Variants in ZNF140 observed in about 807,000 individuals in gnomAD.
ZNF140 encodes the protein zinc finger protein 140.
Under a neutral mutation model 12.9 loss-of-function variants are expected in ZNF140, and 13 were observed. The observed-to-expected ratio is 1.01, with a 90% CI of 0.66 to 1.60. The LOEUF is 1.60. ZNF140 is among the 40% of genes most tolerant of loss of function. ZNF140 has a pLI of 0.00. For synonymous variants in ZNF140, 214 were observed against 186.7 expected, an observed-to-expected ratio of 1.15 and a Z score of -1.19; for missense variants, 531 against 548.8, an observed-to-expected ratio of 0.97 and a Z score of 0.32.
intron 4 of ZNF140, among the ~76,000 whole-genome samples, chr12:133,086,313 C>T (rs1354981242): frequency 7.2e-5 from 11 of 152,160 alleles, no homozygotes; most frequent in African/African-American, 2.4e-4. Context: ...TATACTCCCG[C>T]AAACCCAATA....
At chr12:133,084,119 C>CT in intron 4 of ZNF140, 2 of 419,824 alleles carry the variant, frequency 4.8e-6, no homozygotes, top group Admixed American at 3.2e-5. Flanking sequence ...TCACAGGTGT[C>CT]TTTTTTGTTC....
rs897684383 is a variant in ZNF140 at position 133,094,141 on chromosome 12, C to G, written c.232+10580C>G. On this transcript the variant is annotated intron_variant, in intron 4 of 4. Transcript: ENST00000355557. Reference sequence around the variant, plus strand: ...AATGTGTAACAGTCAATTAATTTGTCTCTGGTTTCTGGAGCACACAAAATA... The same window carrying G: ...AATGTGTAACAGTCAATTAATTTGTGTCTGGTTTCTGGAGCACACAAAATA... Among the ~76,000 whole-genome samples, 62 of 151,136 alleles carry G rather than the reference C, an allele frequency of 4.1e-4. 6 individuals carry two copies. The highest frequency in any genetic ancestry group is 1.4e-3 in the African/African-American group (56 of 40,760).
At chr12:133,084,200 G>A in intron 4 of ZNF140, 1 of 423,398 alleles carries the variant, frequency 2.4e-6, no homozygotes, top group Non-Finnish European at 4.6e-6. Context: ...TTCTTCAAAT[G>A]GACATACATT....
chr12:133,105,334 CTGTT>C lies in ZNF140; in HGVS notation c.233-173_233-170del, dbSNP rs1324488966. ...TCTTTATTTACCTATATGTCTATCT[CTGTT>C]TGATCTTTTCTGAAGTTCTGGGCAT... On this transcript the variant is annotated intron_variant, in intron 4 of 4. Coordinates refer to ENST00000355557, the MANE Select transcript of ZNF140 (RefSeq NM_003440.4). 1.2e-4 allele frequency among the ~76,000 whole-genome samples: 18 copies of C among 152,264 alleles called. No homozygotes were observed. The South Asian group carries it at 2.1e-3, about 18-fold the overall frequency.
rs961728055 is a variant in ZNF140, at chr12:133,093,308, G to C, written c.232+9747G>C. 8.0e-6 allele frequency: 5 copies of C among 623,950 alleles called. No homozygotes were observed. The South Asian group carries it at 8.9e-5, about 11-fold the overall frequency. The allele number at this position is 623,950 out of a possible 1,614,324, so 38.7% of individuals were successfully genotyped here. A position where few individuals can be genotyped will look rare whatever the true frequency, so the allele number is the denominator to read the frequency against. ...CACATAGGCCCAGTAAGTATAGTTA[G>C]TTGTAGCGGCTCCTGCAGACATAGG... On this transcript the variant is annotated intron_variant, in intron 4 of 4. Transcript: ENST00000355557.
In ZNF140 at chr12:133,094,419, T is replaced by C. The variant is rs1468194000; in HGVS notation, c.232+10858T>C. On this transcript the variant is annotated intron_variant, in intron 4 of 4. Transcript: ENST00000355557. The stretch of plus-strand genomic sequence containing the variant: ...ATCAATTATAATTAAAAGCCAATCT[T>C]TGGGGGTCATGGCCGGAGAGGGCAG... Among the ~76,000 whole-genome samples the C allele has an allele frequency of 4.6e-5, 7 of 151,016 alleles. No individual in the cohort carries two copies. In the East Asian group the frequency reaches 1.4e-3, roughly 29 times the overall value.
intron 2 of ZNF140, 25 bp downstream of exon 2, chr12:133,081,354 T>C (rs1184627293): frequency 3.5e-5 from 9 of 253,534 alleles, no homozygotes; most frequent in Admixed American, 1.4e-4. Context: ...GATAAATATA[T>C]ATATATATAT....
At chr12:133,093,825 T>C (rs1203011632) in intron 4 of ZNF140, among the ~76,000 whole-genome samples, 2 of 150,984 alleles carry the variant, frequency 1.3e-5, no homozygotes, top group Non-Finnish European at 2.9e-5. Context: ...ACACACTTTA[T>C]CTCCAGTTTC....
chr12:133,100,163 T>G (rs1009458069), intron 4 of ZNF140, among the ~76,000 whole-genome samples: 1 of 112,158 alleles, frequency 8.9e-6, no homozygotes, highest in African/African-American at 3.9e-5. Context: ...CTTTTCCGTT[T>G]TTTTTTTTTT....
At chr12:133,094,969 T>C (rs1955016432) in intron 4 of ZNF140, among the ~76,000 whole-genome samples, 2 of 151,566 alleles carry the variant, frequency 1.3e-5, no homozygotes, top group South Asian at 4.2e-4. Context: ...TTCTGTTCCT[T>C]TCTTGAACTC....
chr12:133,106,799 GAAAAA>G lies in ZNF140; in HGVS notation c.*153_*157del, dbSNP rs201813395. ...CCCACACTTTATTCACCACCCTGGA[GAAAAA>G]AAAACCCAGGAATATGTGGAAAAGC... On this transcript the variant is annotated 3_prime_UTR_variant, in exon 5 of 5. Coordinates refer to ENST00000355557, the MANE Select transcript of ZNF140 (RefSeq NM_003440.4). 3 of 621,528 alleles carry G rather than the reference GAAAAA, an allele frequency of 4.8e-6. No individual in the cohort carries two copies. Among genetic ancestry groups the G allele is most frequent in the Non-Finnish European group, 7.3e-6 (3 of 411,078 alleles). 38.5% of individuals were successfully genotyped at this position (621,528 alleles called of 1,614,324 possible).
At chr12:133,080,807 T>G (rs1431764588), upstream of ZNF140, 1 of 152,420 alleles carries the variant, frequency 6.6e-6, no homozygotes, top group Non-Finnish European at 1.5e-5. Context: ...CCGCATTGGT[T>G]TCTGGGAATT....
chr12:133,083,708 C>G, intron 4 of ZNF140, 147 bp downstream of exon 4: 1 of 745,452 alleles, frequency 1.3e-6, no homozygotes. Flanking sequence ...GCCGGTAATC[C>G]CAGCACTTTG....
chr12:133,097,659 T>C (rs1042523581), intron 4 of ZNF140, among the ~76,000 whole-genome samples: 19 of 149,376 alleles, frequency 1.3e-4, no homozygotes, highest in African/African-American at 4.2e-4. Context: ...AAAAAAAAAA[T>C]TACTTATTTC....
In ZNF140 at chr12:133,105,938, G is replaced by T; in HGVS notation, c.661G>T (p.Asp221Tyr). 1 of 1,614,098 alleles carries T rather than the reference G, an allele frequency of 6.2e-7. No homozygotes were observed. The highest frequency in any genetic ancestry group is 1.1e-5 in the South Asian group (1 of 91,052). The part of the protein sequence containing the change: ...HTGKKPHECK[D>Y]CNKTFSYLSF... ...TGGAAAGAAACCCCATGAGTGTAAG[G>T]ACTGTAATAAAACATTCAGTTACCT... is the stretch of plus-strand genomic sequence containing the variant. Residue 221 changes from aspartate to tyrosine, a missense_variant, in exon 5 of 5, where the codon GAC becomes TAC. By Grantham distance (160) the Asp-to-Tyr change is radical (BLOSUM62 -3). Coordinates refer to ENST00000355557, the MANE Select transcript of ZNF140 (RefSeq NM_003440.4).
At chr12:133,100,178 TTTTTTTTTTG>T (rs1955292542) in intron 4 of ZNF140, among the ~76,000 whole-genome samples, 1 of 142,456 alleles carries the variant, frequency 7.0e-6, no homozygotes, top group African/African-American at 2.7e-5. Context: ...TTTTTTTTTT[TTTTTTTTTTG>T]GCAGGGTCTT....
At position 133,084,666 on chromosome 12, in the gene ZNF140, CAT is replaced by C. The variant is rs1954616266; in HGVS notation, c.232+1106_232+1107del. Among the ~76,000 whole-genome samples, 5 of 152,208 alleles carry C rather than the reference CAT, an allele frequency of 3.3e-5. No individual in the cohort carries two copies. In the South Asian group the frequency reaches 6.2e-4, roughly 19 times the overall value. On this transcript the variant is annotated intron_variant, in intron 4 of 4. Coordinates refer to ENST00000355557, the MANE Select transcript of ZNF140 (RefSeq NM_003440.4). ...AAATTCTATAGTTGCTTCTATAGCA[CAT>C]GTTTAATGGAGGTACACTGATTTTT...
rs777397398 is a variant in ZNF140, at chr12:133,106,990, T to G, written c.*339T>G. On this transcript the variant is annotated 3_prime_UTR_variant, in exon 5 of 5. Transcript: ENST00000355557. ...AGGAAAGAATACATATCCAATAGAT[T>G]GGAGAAAGCCAGAGATTAGCCCTCA... The G allele has an allele frequency of 3.1e-4, 54 of 175,496 alleles. No individual in the cohort carries two copies. Among genetic ancestry groups the G allele is most frequent in the Non-Finnish European group, 5.1e-4 (42 of 82,852 alleles). The allele number at this position is 175,496 out of a possible 1,614,324, so 10.9% of individuals were successfully genotyped here. A position where few individuals can be genotyped will look rare whatever the true frequency, so the allele number is the denominator to read the frequency against.
In ZNF140 at chr12:133,096,239, G is replaced by A. The variant is rs923335928; in HGVS notation, c.233-9271G>A. Among the ~76,000 whole-genome samples the A allele has an allele frequency of 8.9e-3, 1,351 of 152,122 alleles. 90 individuals carry two copies. Among genetic ancestry groups the A allele is most frequent in the Admixed American group, 0.079 (1,212 of 15,254 alleles). On this transcript the variant is annotated intron_variant, in intron 4 of 4. Transcript: ENST00000355557. ...ATGACTTTTACCAAGTATACTGCTT[G>A]TAAACATTTTGTTAACAAGGCACGT...
Sources: gnomAD v4.1 joint callset for allele counts (sites outside exome capture counted in the v4.1 genomes callset) on GRCh38, gnomAD v4.1.1 for gene constraint, MANE v1.5 for transcripts, NCBI Gene and HGNC (gene_info 2026-07-23, HGNC 2026-07-21) for gene names.